The following C4orf50 variants were observed in gnomAD, a reference collection of about 807,000 sequenced individuals.
C4orf50 encodes the protein uncharacterized protein C4orf50.
C4orf50 carries 80 observed loss-of-function variants against 77.2 expected under a neutral mutation model. The observed-to-expected ratio is 1.04, with a 90% confidence interval of 0.87 to 1.25. The LOEUF is 1.25. C4orf50 is among the 50% of genes most tolerant of loss of function. C4orf50 has a pLI of 0.00. For synonymous variants in C4orf50, 532 were observed against 465.3 expected, an observed-to-expected ratio of 1.14 and a Z score of -1.84; for missense variants, 1,257 against 1,152.9, an observed-to-expected ratio of 1.09 and a Z score of -1.31.
In C4orf50 at chr4:5,919,421, G is replaced by A. The variant is rs912076508; in HGVS notation, c.*2475-21233C>T. The stretch of plus-strand genomic sequence containing the variant: ...AGGCAGTGGACTGAGGCAGGGGCAG[G>A]TGGGGGTGGGGGGCACACCCTTTCC... On this transcript the variant is annotated intron_variant, in intron 7 of 7. Coordinates refer to the C4orf50 transcript ENST00000324058. This position sits in a 1 kb window ranked among gnomAD's most constrained non-coding sequence, Gnocchi z 6.5. Among the ~76,000 whole-genome samples the A allele has an allele frequency of 1.3e-5, 2 of 151,608 alleles. No homozygotes were observed. The highest frequency in any genetic ancestry group is 4.8e-5 in the African/African-American group (2 of 41,252).
At position 5,980,157 on chromosome 4, in the gene C4orf50, GA is replaced by G. The variant is rs1720496764; in HGVS notation, c.3864+16del. The G allele has an allele frequency of 6.4e-7, 1 of 1,555,624 alleles. No homozygotes were observed. The highest frequency in any genetic ancestry group is 1.4e-5 in the African/African-American group (1 of 72,312). ...GAGCCCTGGCTGACAAGAGGGGAAA[GA>G]AAGCACTTCCCACACCTTGGCCTGG... On this transcript the variant is annotated intron_variant, in intron 29 of 33. Transcript: ENST00000531445.
intron 7 of C4orf50, among the ~76,000 whole-genome samples, chr4:5,947,544 G>A (rs1438924879): frequency 6.8e-6 from 1 of 147,678 alleles, no homozygotes; most frequent in Non-Finnish European, 1.5e-5. Flanking sequence ...GCAAGCTCAA[G>A]CAACGGATGG....
At chr4:5,909,848 C>A (rs996041108) in intron 7 of C4orf50, among the ~76,000 whole-genome samples, 1 of 152,186 alleles carries the variant, frequency 6.6e-6, no homozygotes, top group Non-Finnish European at 1.5e-5. Flanking sequence ...GTTCTCTATT[C>A]TGTTCCATTG....
chr4:6,010,630 A>T (rs556580918), intron 24 of C4orf50, among the ~76,000 whole-genome samples: 37 of 152,326 alleles, frequency 2.4e-4, no homozygotes, highest in Non-Finnish European at 4.4e-4. Flanking sequence ...TCGATCTCAC[A>T]TCCCACAGAT....
rs1398126602 is a variant in C4orf50 at position 5,900,770 on chromosome 4, GGGA to G, written c.*2475-2585_*2475-2583del. On this transcript the variant is annotated intron_variant, in intron 7 of 7. Transcript: ENST00000324058. The surrounding 1 kb of genome is among the most constrained non-coding windows in gnomAD (Gnocchi z 4.3). ...AATCAGTTTCCTCGCCTGTAAAATG[GGGA>G]GGAGAAGGATGCTTACACTAGATGA... is the stretch of plus-strand genomic sequence containing the variant. 4 of 152,182 alleles carry G rather than the reference GGGA, an allele frequency of 2.6e-5. No individual in the cohort carries two copies. In the South Asian group the frequency reaches 6.2e-4, roughly 24 times the overall value. The allele number at this position is 152,182 out of a possible 1,614,324, so 9.4% of individuals were successfully genotyped here.
At chr4:5,953,712 TG>T (rs939407822), downstream of C4orf50, among the ~76,000 whole-genome samples, 47 of 152,212 alleles carry the variant, frequency 3.1e-4, no homozygotes, top group Middle Eastern at 3.4e-3. Context: ...AGAGCCCTGC[TG>T]GGGGGCCTGG....
intron 25 of C4orf50, among the ~76,000 whole-genome samples, chr4:5,994,706 A>C (rs1467334442): frequency 6.6e-6 from 1 of 152,214 alleles, no homozygotes; most frequent in Non-Finnish European, 1.5e-5. Context: ...TCCTGTCCAC[A>C]GACAACGAGG....
At chr4:6,003,202 C>A (rs2108802253) in intron 25 of C4orf50, among the ~76,000 whole-genome samples, 1 of 152,348 alleles carries the variant, frequency 6.6e-6, no homozygotes, top group African/African-American at 2.4e-5. Flanking sequence ...CCGCAGGCCC[C>A]ATCCACCCTA....
chr4:5,927,942 C>T (rs528356810), intron 7 of C4orf50, among the ~76,000 whole-genome samples: 1 of 152,284 alleles, frequency 6.6e-6, no homozygotes, highest in Admixed American at 6.5e-5. Flanking sequence ...TCCCAGAACC[C>T]CCATGTGCCC....
intron 33 of C4orf50, among the ~76,000 whole-genome samples, chr4:5,964,010 A>G (rs1339024916): frequency 8.0e-6 from 1 of 125,572 alleles, no homozygotes; most frequent in African/African-American, 3.4e-5. Context: ...CAGTATGTGC[A>G]ACTAGAAAAG....
rs1308721958 is a variant in C4orf50 at position 5,959,427 on chromosome 4, CT to C, written c.4474del (p.Ser1492AlafsTer15). On this transcript the variant is annotated frameshift_variant, in exon 34 of 34. Transcript: ENST00000531445. LOFTEE classifies it low-confidence loss of function (END_TRUNC). ...ATGGACCTGGGAATTGCTGCAAATG[CT>C]TTGTCTAAGCTCTTGGTGAAAAGCC... The C allele has an allele frequency of 6.2e-7, 1 of 1,614,162 alleles. No homozygotes were observed. Among genetic ancestry groups the C allele is most frequent in the Non-Finnish European group, 8.5e-7 (1 of 1,180,028 alleles).
chr4:5,946,356 G>C (rs13145187), intron 7 of C4orf50, among the ~76,000 whole-genome samples: 34,867 of 152,194 alleles, frequency 0.23, 4,944 homozygotes, highest in Admixed American at 0.37. Context: ...TGCACCCCCT[G>C]TGCTGAATAT....
chr4:5,988,295 C>G (rs912874680), intron 28 of C4orf50, 52 bp downstream of exon 6: 6 of 1,579,044 alleles, frequency 3.8e-6, no homozygotes, highest in Non-Finnish European at 5.2e-6. Context: ...TGGGGTGGCC[C>G]CCGGAACAGA....
At chr4:5,993,865 A>T (rs1039622605) in intron 26 of C4orf50, among the ~76,000 whole-genome samples, 6 of 151,814 alleles carry the variant, frequency 4.0e-5, no homozygotes, top group African/African-American at 1.4e-4. Context: ...AATAAAAAAA[A>T]AAAAGAGAGA....
intron 29 of C4orf50, among the ~76,000 whole-genome samples, chr4:5,979,274 A>G (rs1560578337): frequency 6.6e-6 from 1 of 152,250 alleles, no homozygotes; most frequent in Non-Finnish European, 1.5e-5. Flanking sequence ...ATGCAAAGAA[A>G]TGGAAACAAC....
At chr4:6,016,189 T>C (rs886796811) in intron 23 of C4orf50, among the ~76,000 whole-genome samples, 2 of 152,244 alleles carry the variant, frequency 1.3e-5, no homozygotes, top group African/African-American at 4.8e-5. Context: ...AGTTTGGTGA[T>C]GTTTTTGTGA....
exon 28 of C4orf50, chr4:5,988,399 C>G (rs372451809): frequency 7.3e-5 from 118 of 1,613,556 alleles, no homozygotes; most frequent in Middle Eastern, 3.3e-4. Flanking sequence ...CACAGAACAC[C>G]TGGGCCTCTT....
intron 32 of C4orf50, among the ~76,000 whole-genome samples, chr4:5,966,552 A>G (rs1719578062): frequency 6.6e-6 from 1 of 152,054 alleles, no homozygotes; most frequent in African/African-American, 2.4e-5. Context: ...CTGAGTAACC[A>G]CGGCAAATGT....
intron 30 of C4orf50, 33 bp from the exon 9 acceptor site, chr4:5,973,874 C>T (rs1467908760): frequency 6.5e-7 from 1 of 1,546,042 alleles, no homozygotes; most frequent in Admixed American, 1.8e-5. Flanking sequence ...ATGCAGAGCT[C>T]CCACCAGGGC....
Sources: gnomAD v4.1 joint callset for allele counts (sites outside exome capture counted in the v4.1 genomes callset) on GRCh38, gnomAD v4.1.1 for gene constraint, Gnocchi (gnomAD v3.1) non-coding constraint, MANE v1.5 for transcripts, NCBI Gene and HGNC (gene_info 2026-07-23, HGNC 2026-07-21) for gene names.